The following PRKN variants were observed in gnomAD, a reference collection of about 807,000 sequenced individuals.
PRKN encodes the protein parkin RBR E3 ubiquitin protein ligase, also known as E3 ubiquitin-protein ligase parkin.
In PRKN, 56 loss-of-function variants were observed where a neutral mutation model predicts 59.5. That is an observed-to-expected ratio of 0.94 (90% confidence interval 0.76 to 1.18). PRKN has a LOEUF of 1.18. Among genes scored for constraint, PRKN ranks in the 50% most tolerant of loss-of-function variants. The pLI is 0.00. For missense variants in PRKN, 657 were observed against 596.4 expected, an observed-to-expected ratio of 1.10 and a Z score of -1.06; for synonymous variants, 250 against 222.1, an observed-to-expected ratio of 1.13 and a Z score of -1.12.
chr6:162,480,685 A>C (rs984555585), intron 1 of PRKN, among the ~76,000 whole-genome samples: 1 of 152,002 alleles, frequency 6.6e-6, no homozygotes, highest in African/African-American at 2.4e-5. Flanking sequence ...GGCTTCCCTG[A>C]CTCTAGCAAA....
chr6:161,420,896 T>C (rs2115027518), intron 9 of PRKN, among the ~76,000 whole-genome samples: 1 of 152,338 alleles, frequency 6.6e-6, no homozygotes, highest in South Asian at 2.1e-4. Flanking sequence ...ATCTTGTTTT[T>C]TCCATTTGCC....
At chr6:162,469,671 C>G (rs965018810) in intron 1 of PRKN, among the ~76,000 whole-genome samples, 10 of 151,982 alleles carry the variant, frequency 6.6e-5, no homozygotes, top group African/African-American at 2.4e-4. Flanking sequence ...TAAGTGGGAG[C>G]TAAGCCATGA....
chr6:161,867,169 G>T (rs1794144700), intron 6 of PRKN, among the ~76,000 whole-genome samples: 1 of 152,134 alleles, frequency 6.6e-6, no homozygotes, highest in South Asian at 2.1e-4. Context: ...TTCCAACTGA[G>T]ATTGGAAACC....
intron 6 of PRKN, among the ~76,000 whole-genome samples, chr6:161,965,261 A>G (rs1780534500): frequency 6.6e-6 from 1 of 152,112 alleles, no homozygotes; most frequent in South Asian, 2.1e-4. Flanking sequence ...GCAATTATGA[A>G]ACCATTTATA....
intron 9 of PRKN, among the ~76,000 whole-genome samples, chr6:161,408,482 C>CTTT (rs11313718): frequency 1.5e-5 from 2 of 133,078 alleles, no homozygotes; most frequent in African/African-American, 2.8e-5. Context: ...CTAGGTTTTC[C>CTTT]TTTTTTTTTT....
chr6:162,727,478 T>G (rs1382526669), intron 1 of PRKN, among the ~76,000 whole-genome samples, 184 bp downstream of exon 1: 3 of 147,788 alleles, frequency 2.0e-5, no homozygotes, highest in Non-Finnish European at 4.5e-5. Flanking sequence ...ACGCACACAC[T>G]GGGGCCCCGG....
chr6:162,013,399 C>G (rs1231015428), intron 5 of PRKN, among the ~76,000 whole-genome samples: 3 of 152,054 alleles, frequency 2.0e-5, no homozygotes, highest in Non-Finnish European at 4.4e-5. Context: ...TCCTATTATA[C>G]TTTTCCGGCT....
intron 1 of PRKN, among the ~76,000 whole-genome samples, chr6:162,672,801 C>T (rs1437992528): frequency 1.3e-5 from 2 of 151,914 alleles, no homozygotes; most frequent in Non-Finnish European, 1.5e-5. Context: ...ATATTTGTTA[C>T]AGGCCTCTTT....
chr6:162,375,244 G>A (rs1785996757), intron 2 of PRKN, among the ~76,000 whole-genome samples: 1 of 151,970 alleles, frequency 6.6e-6, no homozygotes, highest in African/African-American at 2.4e-5. Flanking sequence ...GAATGAAACA[G>A]CTTTAGACTA....
chr6:161,823,865 T>C (rs1280087201), intron 6 of PRKN, among the ~76,000 whole-genome samples: 6 of 152,282 alleles, frequency 3.9e-5, no homozygotes, highest in Admixed American at 3.3e-4. Context: ...TGGCTATGTA[T>C]TCCCCAAAAT....
chr6:162,172,445 A>T (rs1198641214), intron 4 of PRKN, among the ~76,000 whole-genome samples: 1 of 152,150 alleles, frequency 6.6e-6, no homozygotes, highest in African/African-American at 2.4e-5. Context: ...TTACTCCTTC[A>T]TCCAGCAGAG....
At chr6:162,058,989 A>G (rs1777985865) in intron 4 of PRKN, among the ~76,000 whole-genome samples, 2 of 151,738 alleles carry the variant, frequency 1.3e-5, no homozygotes, top group African/African-American at 2.4e-5. Flanking sequence ...AAGTAGCACC[A>G]ATAATTAAAT....
intron 4 of PRKN, among the ~76,000 whole-genome samples, chr6:162,172,649 C>G (rs567607860): frequency 6.6e-6 from 1 of 152,266 alleles, no homozygotes; most frequent in African/African-American, 2.4e-5. Flanking sequence ...ATGCCTGGGA[C>G]AAATGTAGCT....
rs191734049 is a variant in PRKN, at chr6:162,353,033, C to G, written c.172-90268G>C. On this transcript the variant is annotated intron_variant, in intron 2 of 11. Transcript: ENST00000366898. ...CAATGCTGTATTTTATTTTGATTAT[C>G]TTTACTAGTATGTTGAATGAGAAGT... Among the ~76,000 whole-genome samples, 182 of 152,190 alleles carry G rather than the reference C, an allele frequency of 1.2e-3. 2 individuals carry two copies. Among genetic ancestry groups the G allele is most frequent in the African/African-American group, 4.1e-3 (170 of 41,536 alleles).
chr6:162,389,053 C>T (rs916039480), intron 2 of PRKN, among the ~76,000 whole-genome samples: 2 of 145,108 alleles, frequency 1.4e-5, no homozygotes, highest in Admixed American at 6.9e-5. Flanking sequence ...AATTCTTAGA[C>T]ATTTTATGTA....
chr6:161,562,485 T>C lies in PRKN; in HGVS notation c.933+6870A>G, dbSNP rs1780492944. ...CTCCTTTCTTGGCTTCTTCTGAGAA[T>C]CCCCATGGGTTTAAAATTTCCTCTA... is the stretch of plus-strand genomic sequence containing the variant. On this transcript the variant is annotated intron_variant, in intron 8 of 11. Coordinates refer to ENST00000366898, the MANE Select transcript of PRKN (RefSeq NM_004562.3). This position sits in a 1 kb window ranked among gnomAD's most constrained non-coding sequence, Gnocchi z 4.3. 6.6e-6 allele frequency among the ~76,000 whole-genome samples: 1 copy of C among 152,198 alleles called. No individual in the cohort carries two copies. Among genetic ancestry groups the C allele is most frequent in the African/African-American group, 2.4e-5 (1 of 41,460 alleles).
rs1489666232 is a variant in PRKN, at chr6:161,395,261, T to G, written c.1084-8384A>C. Among the ~76,000 whole-genome samples, 1 of 152,138 alleles carries G rather than the reference T, an allele frequency of 6.6e-6. No homozygotes were observed. Among genetic ancestry groups the G allele is most frequent in the African/African-American group, 2.4e-5 (1 of 41,396 alleles). ...TGTACTCTGCTTGTTGGTTTTTCGT[T>G]TAATGCATGCTACAGATGGCTGTCT... On this transcript the variant is annotated intron_variant, in intron 9 of 11. Coordinates refer to ENST00000366898, the MANE Select transcript of PRKN (RefSeq NM_004562.3). The surrounding 1 kb of genome is among the most constrained non-coding windows in gnomAD (Gnocchi z 5.0).
chr6:162,475,789 G>A (rs151077704), intron 1 of PRKN, among the ~76,000 whole-genome samples: 5 of 152,306 alleles, frequency 3.3e-5, no homozygotes, highest in Admixed American at 2.0e-4. Context: ...TCGCTTTGTC[G>A]CAATCTCAGC....
At chr6:162,528,482 T>C (rs1053083250) in intron 1 of PRKN, among the ~76,000 whole-genome samples, 4 of 151,662 alleles carry the variant, frequency 2.6e-5, no homozygotes, top group Non-Finnish European at 5.9e-5. Context: ...AGCCAAGATA[T>C]AAATTACTTA....
Sources: gnomAD v4.1 joint callset for allele counts (sites outside exome capture counted in the v4.1 genomes callset) on GRCh38, gnomAD v4.1.1 for gene constraint, Gnocchi (gnomAD v3.1) non-coding constraint, MANE v1.5 for transcripts, NCBI Gene and HGNC (gene_info 2026-07-23, HGNC 2026-07-21) for gene names.